The following LRRC4C variants were observed in gnomAD, a reference collection of about 807,000 sequenced individuals.
LRRC4C encodes the protein leucine rich repeat containing 4C, also known as leucine-rich repeat-containing protein 4C.
A neutral mutation model predicts 33.6 loss-of-function variants in LRRC4C; 5 were observed. The observed-to-expected ratio is 0.15, with a 90% confidence interval of 0.08 to 0.31. The LOEUF (loss-of-function observed/expected upper bound fraction) is 0.31. Among genes scored for constraint, LRRC4C ranks in the 10% least tolerant of loss-of-function variants. LRRC4C has a pLI of 1.00. For missense variants in LRRC4C, 560 were observed against 796.7 expected, an observed-to-expected ratio of 0.70 and a Z score of 3.58; for synonymous variants, 329 against 302.0, an observed-to-expected ratio of 1.09 and a Z score of -0.93.
chr11:41,052,886 A>G (rs1404878491), intron 1 of LRRC4C, among the ~76,000 whole-genome samples: 1 of 152,172 alleles, frequency 6.6e-6, no homozygotes, highest in African/African-American at 2.4e-5. Context: ...TGGCAACCTA[A>G]TATCAATTGT....
chr11:41,263,933 A>G (rs1167647929), intron 1 of LRRC4C, among the ~76,000 whole-genome samples: 3 of 152,116 alleles, frequency 2.0e-5, no homozygotes, highest in Non-Finnish European at 4.4e-5. Flanking sequence ...GGGATGAGAT[A>G]AGAAGCCAGA....
intron 1 of LRRC4C, among the ~76,000 whole-genome samples, chr11:40,939,516 C>T (rs10768653): frequency 0.36 from 54,321 of 151,912 alleles, 9,851 homozygotes; most frequent in East Asian, 0.46. Context: ...TTCATCTATT[C>T]ATTCAAGACA....
chr11:40,410,564 G>C (rs537776523), intron 3 of LRRC4C, among the ~76,000 whole-genome samples: 1 of 151,892 alleles, frequency 6.6e-6, no homozygotes, highest in Non-Finnish European at 1.5e-5. Context: ...CATGTTTTCC[G>C]TTCTTTTTAT....
At chr11:40,958,541 T>A (rs1959059100) in intron 1 of LRRC4C, among the ~76,000 whole-genome samples, 1 of 151,738 alleles carries the variant, frequency 6.6e-6, no homozygotes, top group Non-Finnish European at 1.5e-5. Context: ...AACATGATAA[T>A]CAACATTTGA....
At chr11:40,876,196 C>T in intron 2 of LRRC4C, among the ~76,000 whole-genome samples, 1 of 150,804 alleles carries the variant, frequency 6.6e-6, no homozygotes, top group Non-Finnish European at 1.5e-5. Flanking sequence ...CTTCTAGTAC[C>T]AACAAAGTTG....
At chr11:40,362,799 A>G (rs1283165980) in intron 3 of LRRC4C, among the ~76,000 whole-genome samples, 1 of 152,210 alleles carries the variant, frequency 6.6e-6, no homozygotes, top group Non-Finnish European at 1.5e-5. Flanking sequence ...CGTGAAGCCA[A>G]CAAGTACATG....
At chr11:40,619,846 G>A (rs960821723) in intron 3 of LRRC4C, among the ~76,000 whole-genome samples, 3 of 150,546 alleles carry the variant, frequency 2.0e-5, no homozygotes, top group African/African-American at 7.3e-5. Flanking sequence ...GGTGTTGCAG[G>A]GTGAAGTACT....
intron 1 of LRRC4C, among the ~76,000 whole-genome samples, chr11:41,392,439 C>G (rs1294568814): frequency 6.6e-6 from 1 of 151,662 alleles, no homozygotes; most frequent in Non-Finnish European, 1.5e-5. Flanking sequence ...AGGACAACCA[C>G]TGGGAGAGAA....
chr11:40,183,360 G>C (rs1195879236), intron 5 of LRRC4C, among the ~76,000 whole-genome samples: 1 of 152,004 alleles, frequency 6.6e-6, no homozygotes, highest in African/African-American at 2.4e-5. Flanking sequence ...CCCTGTTTGG[G>C]GGAAAAAATA....
intron 2 of LRRC4C, among the ~76,000 whole-genome samples, chr11:40,864,644 A>G (rs1954265087): frequency 1.3e-5 from 2 of 152,200 alleles, no homozygotes; most frequent in Admixed American, 1.3e-4. Flanking sequence ...TGGCAGACAT[A>G]CCTAGTGGAT....
At chr11:41,223,734 TA>T (rs1227546611) in intron 1 of LRRC4C, among the ~76,000 whole-genome samples, 1 of 152,312 alleles carries the variant, frequency 6.6e-6, no homozygotes, top group East Asian at 1.9e-4. Flanking sequence ...TCAAGCATGT[TA>T]AAGAGCTGGA....
intron 1 of LRRC4C, among the ~76,000 whole-genome samples, chr11:41,102,890 T>C (rs1361480059): frequency 4.6e-5 from 7 of 151,990 alleles, no homozygotes; most frequent in African/African-American, 1.7e-4. Context: ...AATAATACTT[T>C]TTTAAGTATG....
chr11:40,219,729 G>A (rs1405644507), intron 5 of LRRC4C, among the ~76,000 whole-genome samples: 2 of 151,600 alleles, frequency 1.3e-5, no homozygotes, highest in Non-Finnish European at 2.9e-5. Context: ...CAGGGCATGA[G>A]GGGGAAGAAA....
chr11:40,806,465 A>G (rs1296372169), intron 2 of LRRC4C, among the ~76,000 whole-genome samples: 1 of 152,246 alleles, frequency 6.6e-6, no homozygotes, highest in Non-Finnish European at 1.5e-5. Context: ...GGAGACAAGC[A>G]GAAGCTACAT....
Position 40,399,589 on chromosome 11 carries a change from C to T in LRRC4C, c.-269-79868G>A, listed in dbSNP as rs568713746. On this transcript the variant is annotated intron_variant, in intron 3 of 6. Transcript: ENST00000528697. ...AGGAGATATACCTAATGCTAAATGA[C>T]GAGTTAATGGGTGCAGCACACCAGC... 2.2e-4 allele frequency among the ~76,000 whole-genome samples: 33 copies of T among 151,824 alleles called. 1 individual carries two copies. In the South Asian group the frequency reaches 3.1e-3, roughly 14 times the overall value.
At chr11:40,316,977 AAG>A (rs1945606652) in intron 4 of LRRC4C, among the ~76,000 whole-genome samples, 1 of 151,956 alleles carries the variant, frequency 6.6e-6, no homozygotes, top group African/African-American at 2.4e-5. Flanking sequence ...AAATGGGAAA[AAG>A]GGAGAAAACT....
intron 1 of LRRC4C, among the ~76,000 whole-genome samples, chr11:41,008,236 T>C (rs1390572383): frequency 2.0e-5 from 3 of 152,164 alleles, no homozygotes; most frequent in African/African-American, 7.2e-5. Context: ...GGTAAAGTGA[T>C]GTTTTTAGAC....
chr11:40,326,439 G>A (rs991041741), intron 3 of LRRC4C, among the ~76,000 whole-genome samples: 1 of 151,948 alleles, frequency 6.6e-6, no homozygotes, highest in Non-Finnish European at 1.5e-5. Context: ...GCAGGTGCCT[G>A]TAATCCCAGC....
intron 2 of LRRC4C, among the ~76,000 whole-genome samples, chr11:40,853,049 T>C (rs776134855): frequency 5.9e-5 from 9 of 152,140 alleles, no homozygotes; most frequent in Non-Finnish European, 8.8e-5. Flanking sequence ...TCCCATAAGA[T>C]TGTAATGGAG....
Sources: allele counts gnomAD v4.1 joint callset (sites outside exome capture counted in the v4.1 genomes callset), GRCh38; gene constraint gnomAD v4.1.1; transcripts MANE v1.5; gene names NCBI Gene and HGNC (gene_info 2026-07-23, HGNC 2026-07-21).